DCHS2: variants seen among roughly 807,000 people sequenced by gnomAD.
DCHS2 encodes protocadherin-23.
A neutral mutation model predicts 182.4 loss-of-function variants in DCHS2; 142 were observed. The ratio of observed to expected loss-of-function variants is 0.78; its 90% CI spans 0.68 to 0.89. The LOEUF (loss-of-function observed/expected upper bound fraction) is 0.89. Among genes scored for constraint, DCHS2 ranks in the 40% least tolerant of loss-of-function variants. DCHS2 has a pLI of 0.00. For missense variants in DCHS2, 4,319 were observed against 4,198.6 expected (o/e 1.03, Z -0.79); for synonymous variants, 1,740 against 1,663.3 (o/e 1.05, Z -1.12).
rs763377703 is a variant in DCHS2, at chr4:154,333,448, G to T, written c.2760C>A (p.Gly920=). Residue 920 remains glycine, a synonymous_variant, in exon 5 of 20, where the codon GGC becomes GGA. Transcript: ENST00000357232. ...GCCGCGGGTGAATGGAGAACTTTCCGCCGAGATCACCAGAAGAAATCCTGT... is the reference window on the plus strand; with the variant it reads ...GCCGCGGGTGAATGGAGAACTTTCCTCCGAGATCACCAGAAGAAATCCTGT... ...IFYRISSGDL[G]GKFSIHPRLG... 1.9e-6 allele frequency: 3 copies of T among 1,613,790 alleles called. No homozygotes were observed. In the African/African-American group the frequency reaches 4.0e-5, roughly 22 times the overall value.
intron 13 of DCHS2, among the ~76,000 whole-genome samples, chr4:154,272,558 T>C (rs751693079): frequency 6.6e-5 from 10 of 152,134 alleles, no homozygotes; most frequent in Non-Finnish European, 8.8e-5. Context: ...CTGATGGTTT[T>C]ATAAGGCAGT....
intron 16 of DCHS2, among the ~76,000 whole-genome samples, chr4:154,254,159 C>A (rs1732529981): frequency 6.6e-6 from 1 of 152,168 alleles, no homozygotes; most frequent in Non-Finnish European, 1.5e-5. Context: ...ATGAGCAAGG[C>A]CTTTTGGAAA....
chr4:154,421,620 C>A (rs946436697), intron 1 of DCHS2, among the ~76,000 whole-genome samples: 1 of 152,282 alleles, frequency 6.6e-6, no homozygotes. Flanking sequence ...GTCTCGAACT[C>A]CTGACCTCAA....
chr4:154,315,848 T>G lies in DCHS2; in HGVS notation c.5160A>C (p.Glu1720Asp). The G allele has an allele frequency of 6.2e-7, 1 of 1,614,038 alleles. No individual in the cohort carries two copies. Among genetic ancestry groups the G allele is most frequent in the Non-Finnish European group, 8.5e-7 (1 of 1,179,990 alleles). ...ACAGGTGCTGCTTAAATACTGGAGC[T>G]TCATCATTTACATCAAGAACAGTAA... is the stretch of plus-strand genomic sequence containing the variant. ...LTVTVLDVND[E>D]APVFKQHLYE... The change falls in exon 10 of 20, where the codon GAA becomes GAC. Residue 1720 changes from glutamate (E) to aspartate (D), a missense_variant. Coordinates refer to ENST00000357232, the MANE Select transcript of DCHS2 (RefSeq NM_001358235.2).
chr4:154,436,818 G>A (rs966983711), intron 1 of DCHS2, among the ~76,000 whole-genome samples: 1 of 152,086 alleles, frequency 6.6e-6, no homozygotes, highest in Admixed American at 6.6e-5. Context: ...GAGGTATATT[G>A]TAAGTATAAA....
intron 13 of DCHS2, among the ~76,000 whole-genome samples, chr4:154,294,649 A>G (rs1055804441): frequency 2.6e-5 from 4 of 152,246 alleles, no homozygotes; most frequent in Non-Finnish European, 4.4e-5. Context: ...TACATTTATA[A>G]ACAAAGTACA....
rs539141275 is a variant in DCHS2 at position 154,490,161 on chromosome 4, C to A, written c.1195G>T (p.Val399Leu). The A allele has an allele frequency of 3.9e-6, 6 of 1,549,366 alleles. No individual in the cohort carries two copies. The African/African-American group carries it at 6.8e-5, about 18-fold the overall frequency. The part of the protein sequence containing the change: ...GAEPEVATVR[V>L]SIAVLDVNDN... ...TTCACGTCCAGCACGGCGATGGACACGCGCACCGTGGCAACCTCAGGCTCG... is the reference window on the plus strand; with the variant it reads ...TTCACGTCCAGCACGGCGATGGACAAGCGCACCGTGGCAACCTCAGGCTCG... The change falls in exon 1 of 20, where the codon GTG (valine) becomes TTG (leucine). Residue 399 changes from valine (V) to leucine (L), a missense_variant. By Grantham distance (32) the Val-to-Leu change is conservative (BLOSUM62 1). Coordinates refer to ENST00000357232, the MANE Select transcript of DCHS2 (RefSeq NM_001358235.2).
chr4:154,435,991 T>A (rs1307148370), intron 1 of DCHS2, among the ~76,000 whole-genome samples: 1 of 152,212 alleles, frequency 6.6e-6, no homozygotes, highest in African/African-American at 2.4e-5. Context: ...ATAAACATCC[T>A]TATTCACAAA....
At position 154,374,800 on chromosome 4, in the gene DCHS2, A is replaced by G. The variant is rs529446041; in HGVS notation, c.2244+2453T>C. On this transcript the variant is annotated intron_variant, in intron 2 of 19. Coordinates refer to ENST00000357232, the MANE Select transcript of DCHS2 (RefSeq NM_001358235.2). ...ACAAAAGAGTAGTAAGCAGATGAAAAAGAAACAAGGAAGGTCTTCAAAATG... is the reference window on the plus strand; with the variant it reads ...ACAAAAGAGTAGTAAGCAGATGAAAGAGAAACAAGGAAGGTCTTCAAAATG... Among the ~76,000 whole-genome samples, 17 of 152,300 alleles carry G rather than the reference A, an allele frequency of 1.1e-4. 1 individual carries two copies. The South Asian group carries it at 3.3e-3, about 30-fold the overall frequency.
Position 154,490,950 on chromosome 4 carries a change from G to A in DCHS2, c.406C>T (p.Arg136Trp), listed in dbSNP as rs868835267. ...GCGGCGACGAAGCTGTAGTGGTCCC[G>A]CCGCTCGCGGTCCAGGCGCCGCGCA... ...RTARRLDRER[R>W]DHYSFVAATL... The change falls in exon 1 of 20, where the codon CGG (arginine) becomes TGG (tryptophan). Residue 136 changes from arginine (R) to tryptophan (W), a missense_variant. Arg to Trp is a moderately radical substitution (Grantham distance 101). Coordinates refer to ENST00000357232, the MANE Select transcript of DCHS2 (RefSeq NM_001358235.2). 2.0e-5 allele frequency: 31 copies of A among 1,550,316 alleles called. No individual in the cohort carries two copies. The African/African-American group carries it at 3.7e-4, about 18-fold the overall frequency.
At chr4:154,308,361 A>G (rs549580650) in intron 10 of DCHS2, among the ~76,000 whole-genome samples, 3 of 152,274 alleles carry the variant, frequency 2.0e-5, no homozygotes, top group South Asian at 2.1e-4. Context: ...CTGTTTCTCT[A>G]TGACATATTT....
intron 13 of DCHS2, chr4:154,284,470 A>G (rs775926787): frequency 4.6e-5 from 7 of 152,250 alleles, no homozygotes; most frequent in Non-Finnish European, 8.8e-5. Flanking sequence ...TTTTTACTTC[A>G]TATCACCAAA....
At position 154,322,435 on chromosome 4, in the gene DCHS2, T is replaced by C. The variant is rs769766134; in HGVS notation, c.4072A>G (p.Thr1358Ala). 3.1e-6 allele frequency: 5 copies of C among 1,613,596 alleles called. No individual in the cohort carries two copies. The highest frequency in any genetic ancestry group is 2.2e-5 in the East Asian group (1 of 44,852). Residue 1358 changes from threonine (T) to alanine (A), a missense_variant, in exon 8 of 20, where the codon ACC (threonine) becomes GCC (alanine). By Grantham distance (58) the Thr-to-Ala change is moderately conservative. Transcript: ENST00000357232. Reference sequence around the variant, plus strand: ...CTATAATCATACGAAAGTATTGTGGTTGTTCTTATTTCACCATTGTTGGCG... The same window carrying C: ...CTATAATCATACGAAAGTATTGTGGCTGTTCTTATTTCACCATTGTTGGCG... ...IDANNGEIRT[T>A]TILSYDYRPS... is the part of the protein sequence containing the mutation.
intron 1 of DCHS2, among the ~76,000 whole-genome samples, chr4:154,471,584 A>G (rs1735470141): frequency 6.6e-6 from 1 of 152,120 alleles, no homozygotes; most frequent in South Asian, 2.1e-4. Flanking sequence ...GTTGAATTTA[A>G]TATCCATTGG....
At chr4:154,477,473 T>G (rs1029375663) in intron 1 of DCHS2, among the ~76,000 whole-genome samples, 3 of 152,168 alleles carry the variant, frequency 2.0e-5, no homozygotes, top group Non-Finnish European at 4.4e-5. Context: ...TACAGAGGAC[T>G]GGGGAAGAGT....
intron 1 of DCHS2, among the ~76,000 whole-genome samples, chr4:154,380,539 A>C (rs1397337035): frequency 6.6e-6 from 1 of 152,144 alleles, no homozygotes; most frequent in Non-Finnish European, 1.5e-5. Flanking sequence ...AAATTTTAAA[A>C]TTCATTCTTA....
At chr4:154,242,548 T>G (rs1731875030) in intron 17 of DCHS2, 94 bp downstream of exon 17, 2 of 1,455,052 alleles carry the variant, frequency 1.4e-6, no homozygotes, top group African/African-American at 1.5e-5. Context: ...TGTTGAGGAT[T>G]AGCACTCATG....
chr4:154,239,710 C>T (rs1387948611), intron 18 of DCHS2, among the ~76,000 whole-genome samples: 2 of 151,938 alleles, frequency 1.3e-5, no homozygotes, highest in Non-Finnish European at 2.9e-5. Flanking sequence ...GGTTTCACCA[C>T]GTTGGCCAGG....
Position 154,489,485 on chromosome 4 carries a change from T to C in DCHS2, c.1871A>G (p.Glu624Gly), listed in dbSNP as rs773369797. The C allele has an allele frequency of 1.3e-5, 20 of 1,551,678 alleles. No individual in the cohort carries two copies. The highest frequency in any genetic ancestry group is 1.5e-5 in the Non-Finnish European group (17 of 1,146,994). ...AISTIRTLDR[E>G]VQEAVELKVV... Reference sequence around the variant, plus strand: ...TTTCAGCTCCACCGCCTCCTGGACCTCTCGGTCTAGAGTCCGGATAGTGCT... The same window carrying C: ...TTTCAGCTCCACCGCCTCCTGGACCCCTCGGTCTAGAGTCCGGATAGTGCT... The change falls in exon 1 of 20, where the codon GAG (glutamate) becomes GGG (glycine). Residue 624 changes from glutamate (E) to glycine (G), a missense_variant. Coordinates refer to ENST00000357232, the MANE Select transcript of DCHS2 (RefSeq NM_001358235.2).
Sources: allele counts gnomAD v4.1 joint callset (sites outside exome capture counted in the v4.1 genomes callset), GRCh38; gene constraint gnomAD v4.1.1; transcripts MANE v1.5; gene names NCBI Gene and HGNC (gene_info 2026-07-23, HGNC 2026-07-21).